VDAC1: variants seen among roughly 807,000 people sequenced by gnomAD.
VDAC1 encodes the protein non-selective voltage-gated ion channel VDAC1.
VDAC1 carries 10 observed loss-of-function variants against 34.7 expected under a neutral mutation model. The ratio of observed to expected loss-of-function variants is 0.29; its 90% CI spans 0.18 to 0.49. The LOEUF is 0.49. Ranked by LOEUF, VDAC1 falls within the 20% of genes least tolerant of loss-of-function variation. The pLI, the probability that VDAC1 is intolerant of heterozygous loss-of-function variation, is 0.99. For synonymous variants in VDAC1, 130 were observed against 136.0 expected (o/e 0.96, Z 0.30); for missense variants, 230 against 347.9 (o/e 0.66, Z 2.69).
chr5:134,096,082 C>T, the VDAC1 span, among the ~76,000 whole-genome samples: 1 of 152,208 alleles, frequency 6.6e-6, no homozygotes, highest in African/African-American at 2.4e-5. Context: ...AGACTCTATC[C>T]CGCGTGCCAG....
the VDAC1 span, among the ~76,000 whole-genome samples, chr5:134,079,279 C>A: frequency 3.9e-5 from 6 of 152,212 alleles, no homozygotes; most frequent in African/African-American, 1.4e-4. Flanking sequence ...ACGCCTGGCC[C>A]CCTCAAGCAT....
the VDAC1 span, among the ~76,000 whole-genome samples, chr5:134,098,608 T>C: frequency 6.6e-6 from 1 of 152,346 alleles, no homozygotes; most frequent in African/African-American, 2.4e-5. Context: ...GGTGGTGTCC[T>C]GGTGGCCCTG....
At chr5:134,006,346 C>T (rs1174570538), upstream of VDAC1, among the ~76,000 whole-genome samples, 1 of 152,144 alleles carries the variant, frequency 6.6e-6, no homozygotes, top group Non-Finnish European at 1.5e-5. Flanking sequence ...TCCAGGAACC[C>T]CACAGGGCTA....
chr5:134,089,691 C>T, the VDAC1 span, among the ~76,000 whole-genome samples: 3 of 113,806 alleles, frequency 2.6e-5, no homozygotes, highest in East Asian at 2.7e-4. Context: ...GGCTCATGGC[C>T]GGGTGCGGTG....
chr5:134,011,634 AAGTT>A, the VDAC1 span, among the ~76,000 whole-genome samples: 1 of 139,538 alleles, frequency 7.2e-6, no homozygotes, highest in Non-Finnish European at 1.5e-5. Context: ...ATGTCATCAC[AAGTT>A]CTTTTTTTTT....
At chr5:134,017,310 T>C in the VDAC1 span, among the ~76,000 whole-genome samples, 2 of 151,460 alleles carry the variant, frequency 1.3e-5, no homozygotes, top group South Asian at 2.1e-4. Flanking sequence ...CTACTAAAAA[T>C]ACAAAATTAG....
intron 1 of VDAC1, among the ~76,000 whole-genome samples, chr5:133,995,442 G>A (rs867896516): frequency 1.5e-4 from 23 of 151,938 alleles, no homozygotes; most frequent in Non-Finnish European, 2.5e-4. Flanking sequence ...AATCTCCCCC[G>A]TTCTGGGCCC....
chr5:134,081,064 T>G, the VDAC1 span, among the ~76,000 whole-genome samples: 2 of 147,250 alleles, frequency 1.4e-5, no homozygotes, highest in African/African-American at 5.1e-5. Context: ...TGAGACGGAG[T>G]TTTGCTCTTG....
the VDAC1 span, among the ~76,000 whole-genome samples, chr5:134,033,070 G>A: frequency 6.6e-6 from 1 of 151,370 alleles, no homozygotes; most frequent in African/African-American, 2.4e-5. Flanking sequence ...GAGAGGAGAG[G>A]AGAGGAAACG....
At chr5:134,047,059 G>A in the VDAC1 span, among the ~76,000 whole-genome samples, 7 of 152,126 alleles carry the variant, frequency 4.6e-5, no homozygotes, top group African/African-American at 1.4e-4. Flanking sequence ...AACTATACTC[G>A]GACTATCAGG....
the VDAC1 span, among the ~76,000 whole-genome samples, chr5:134,016,655 A>G: frequency 6.6e-6 from 1 of 152,106 alleles, no homozygotes; most frequent in African/African-American, 2.4e-5. Context: ...GTTTTTTATT[A>G]TTTAAAATGT....
At chr5:134,013,451 A>G in the VDAC1 span, among the ~76,000 whole-genome samples, 9 of 152,078 alleles carry the variant, frequency 5.9e-5, no homozygotes, top group South Asian at 2.1e-4. Flanking sequence ...AAACAAACAA[A>G]CAAACAAAAT....
chr5:133,998,344 A>C (rs921868803), intron 1 of VDAC1, among the ~76,000 whole-genome samples: 1 of 152,010 alleles, frequency 6.6e-6, no homozygotes, highest in Non-Finnish European at 1.5e-5. Context: ...CTGTTTGTGT[A>C]TACTAATAAT....
chr5:134,029,524 G>A, the VDAC1 span, among the ~76,000 whole-genome samples: 9 of 152,328 alleles, frequency 5.9e-5, no homozygotes, highest in Admixed American at 1.3e-4. Context: ...TGCAATGATA[G>A]AACAGCCGTG....
chr5:134,096,816 C>T, the VDAC1 span, among the ~76,000 whole-genome samples: 1 of 152,144 alleles, frequency 6.6e-6, no homozygotes, highest in Non-Finnish European at 1.5e-5. Flanking sequence ...TGGTTTTGAA[C>T]TCCTGAGTTC....
At chr5:134,005,730 C>A (rs1216049621), upstream of VDAC1, among the ~76,000 whole-genome samples, 1 of 152,192 alleles carries the variant, frequency 6.6e-6, no homozygotes, top group East Asian at 1.9e-4. Context: ...TAGGCCTAAG[C>A]GAGTGGTCTC....
the VDAC1 span, among the ~76,000 whole-genome samples, chr5:134,051,378 G>T: frequency 0.011 from 1,627 of 152,322 alleles, 31 homozygotes; most frequent in African/African-American, 0.038. Context: ...TGCAGGTTAG[G>T]GCAACCAGAC....
chr5:134,034,180 CA>C, the VDAC1 span, among the ~76,000 whole-genome samples: 124,520 of 148,244 alleles, frequency 0.84, 52,131 homozygotes, highest in East Asian at 0.87. Context: ...GTGTCACGCG[CA>C]AAAAAAAAAA....
At chr5:134,070,671 A>G in the VDAC1 span, among the ~76,000 whole-genome samples, 1 of 152,110 alleles carries the variant, frequency 6.6e-6, no homozygotes, top group Non-Finnish European at 1.5e-5. Context: ...TTTTGTTCAT[A>G]GTAAATATTC....
Sources: allele counts gnomAD v4.1 joint callset (sites outside exome capture counted in the v4.1 genomes callset), GRCh38; gene constraint gnomAD v4.1.1; transcripts MANE v1.5; gene names NCBI Gene and HGNC (gene_info 2026-07-23, HGNC 2026-07-21).